The following SRPK2 variants were observed in gnomAD, a reference collection of about 807,000 sequenced individuals.
SRPK2 encodes the protein SFRS protein kinase 2.
In SRPK2, 21 loss-of-function variants were observed where a neutral mutation model predicts 90.8. The ratio of observed to expected loss-of-function variants is 0.23; its 90% CI spans 0.16 to 0.33. SRPK2 has a LOEUF of 0.33. SRPK2 is among the 10% of genes least tolerant of loss of function. SRPK2 has a pLI of 1.00. For missense variants in SRPK2, 620 were observed against 869.0 expected, an observed-to-expected ratio of 0.71 and a Z score of 3.60; for synonymous variants, 288 against 311.1, an observed-to-expected ratio of 0.93 and a Z score of 0.78.
intron 6 of SRPK2, among the ~76,000 whole-genome samples, chr7:105,164,113 A>G (rs1316510355): frequency 6.6e-6 from 1 of 152,226 alleles, no homozygotes; most frequent in Non-Finnish European, 1.5e-5. Context: ...AATCAAAGCA[A>G]TAACTACCAA....
chr7:105,328,292 T>G (rs918011782), intron 2 of SRPK2, among the ~76,000 whole-genome samples: 1 of 152,142 alleles, frequency 6.6e-6, no homozygotes, highest in Non-Finnish European at 1.5e-5. Flanking sequence ...CCGGGGGCAG[T>G]GGCTCACACC....
chr7:105,391,425 G>A (rs955496521), upstream of SRPK2, among the ~76,000 whole-genome samples: 3 of 151,990 alleles, frequency 2.0e-5, no homozygotes, highest in African/African-American at 4.8e-5. Flanking sequence ...GGATGGTATC[G>A]AACTCCCAAC....
intron 2 of SRPK2, among the ~76,000 whole-genome samples, chr7:105,241,499 C>T (rs1800812881): frequency 6.6e-6 from 1 of 152,134 alleles, no homozygotes; most frequent in Non-Finnish European, 1.5e-5. Flanking sequence ...TATTGACTGT[C>T]CCCTTAAATC....
chr7:105,232,458 TAAAAAAAAA>T lies in SRPK2; in HGVS notation c.72-28682_72-28674del, dbSNP rs10533429. 5.4e-3 allele frequency among the ~76,000 whole-genome samples: 708 copies of T among 132,024 alleles called. 5 individuals are homozygous for T. The highest frequency in any genetic ancestry group is 0.015 in the African/African-American group (545 of 35,262). The allele number at this position is 132,024 out of a possible 152,430, so 86.6% of individuals were successfully genotyped here. A position where few individuals can be genotyped will look rare whatever the true frequency, so the allele number is the denominator to read the frequency against. On this transcript the variant is annotated intron_variant, in intron 2 of 15. Coordinates refer to ENST00000393651, the MANE Select transcript of SRPK2 (RefSeq NM_182692.3). The stretch of plus-strand genomic sequence containing the variant: ...TGGGCAACAAGAGCGAAACCTTATC[TAAAAAAAAA>T]AAAAAAAAAAAAAAAGATCAAGTTT...
intron 2 of SRPK2, among the ~76,000 whole-genome samples, chr7:105,373,390 T>A (rs576546408): frequency 9.2e-4 from 111 of 120,368 alleles, no homozygotes; most frequent in East Asian, 5.1e-3. Context: ...AAAAAAAAAA[T>A]TTTTTTTCTT....
At chr7:105,248,059 G>A (rs895194125) in intron 2 of SRPK2, among the ~76,000 whole-genome samples, 2 of 152,006 alleles carry the variant, frequency 1.3e-5, no homozygotes, top group African/African-American at 2.4e-5. Context: ...CTCCATGCTG[G>A]TCAGGCTGGT....
At chr7:105,366,647 G>A (rs550317975) in intron 2 of SRPK2, among the ~76,000 whole-genome samples, 1 of 152,250 alleles carries the variant, frequency 6.6e-6, no homozygotes, top group African/African-American at 2.4e-5. Context: ...GGGATTACAG[G>A]CGTGAGCCAC....
chr7:105,211,364 T>C (rs547065997), intron 2 of SRPK2, among the ~76,000 whole-genome samples: 1 of 152,224 alleles, frequency 6.6e-6, no homozygotes, highest in Non-Finnish European at 1.5e-5. Context: ...CATTCGTGCA[T>C]TGCTATAAGG....
chr7:105,340,820 A>T (rs1187603401), intron 2 of SRPK2, among the ~76,000 whole-genome samples: 1 of 152,216 alleles, frequency 6.6e-6, no homozygotes, highest in Non-Finnish European at 1.5e-5. Flanking sequence ...ATAACATTCA[A>T]GCTTTCAAGA....
upstream of SRPK2, among the ~76,000 whole-genome samples, chr7:105,392,052 A>G (rs541201698): frequency 9.5e-4 from 144 of 152,368 alleles, 1 homozygote; most frequent in African/African-American, 3.3e-3. Context: ...CACATGCTAC[A>G]ATGTGGATGA....
At position 105,161,376 on chromosome 7, in the gene SRPK2, T is replaced by C. The variant is rs138809814; in HGVS notation, c.515-763A>G. On this transcript the variant is annotated intron_variant, in intron 6 of 15. Coordinates refer to ENST00000393651, the MANE Select transcript of SRPK2 (RefSeq NM_182692.3). ...TTTCATCCAACGTTTATTAAATCTATGAATGGGGAACCAGCAGATAAAAAA... is the reference window on the plus strand; with the variant it reads ...TTTCATCCAACGTTTATTAAATCTACGAATGGGGAACCAGCAGATAAAAAA... Among the ~76,000 whole-genome samples the C allele has an allele frequency of 3.0e-3, 460 of 152,328 alleles. 2 individuals carry two copies. The highest frequency in any genetic ancestry group is 7.1e-3 in the African/African-American group (296 of 41,570).
At chr7:105,236,372 G>A (rs1162205100) in intron 2 of SRPK2, among the ~76,000 whole-genome samples, 2 of 151,558 alleles carry the variant, frequency 1.3e-5, no homozygotes, top group African/African-American at 2.4e-5. Context: ...ATAACAGAGT[G>A]CATCTTCCCA....
chr7:105,150,598 G>A (rs1805499557), intron 7 of SRPK2, among the ~76,000 whole-genome samples: 1 of 152,174 alleles, frequency 6.6e-6, no homozygotes, highest in South Asian at 2.1e-4. Context: ...TTTCCATGGA[G>A]AACATGGTTA....
At chr7:105,311,764 C>A (rs1340521779) in intron 2 of SRPK2, among the ~76,000 whole-genome samples, 1 of 152,136 alleles carries the variant, frequency 6.6e-6, no homozygotes, top group African/African-American at 2.4e-5. Flanking sequence ...CTCAGATGGT[C>A]ATCATGTAAA....
chr7:105,123,879 G>C (rs1356201334), intron 15 of SRPK2, among the ~76,000 whole-genome samples: 1 of 152,148 alleles, frequency 6.6e-6, no homozygotes, highest in Non-Finnish European at 1.5e-5. Context: ...AAAAGAACTC[G>C]AGGTACCACA....
At chr7:105,207,734 C>G (rs1006010680) in intron 2 of SRPK2, among the ~76,000 whole-genome samples, 2 of 152,144 alleles carry the variant, frequency 1.3e-5, no homozygotes, top group African/African-American at 2.4e-5. Flanking sequence ...ATCTTCACGA[C>G]CTTAGGTTAG....
intron 2 of SRPK2, among the ~76,000 whole-genome samples, chr7:105,294,089 T>A (rs972708097): frequency 2.6e-5 from 4 of 152,078 alleles, no homozygotes; most frequent in Middle Eastern, 3.2e-3. Context: ...GCATCTCTAG[T>A]CCATACCTGT....
intron 2 of SRPK2, among the ~76,000 whole-genome samples, chr7:105,345,960 G>A (rs1371715027): frequency 2.6e-5 from 4 of 152,208 alleles, no homozygotes; most frequent in African/African-American, 9.6e-5. Context: ...AGTTCTGTTC[G>A]GTAGCAAAGG....
intron 2 of SRPK2, among the ~76,000 whole-genome samples, chr7:105,254,870 A>G (rs919806317): frequency 1.4e-5 from 2 of 140,684 alleles, no homozygotes; most frequent in Non-Finnish European, 3.2e-5. Flanking sequence ...TTGTATTTTT[A>G]GTAGAGATGG....
Sources: gnomAD v4.1 joint callset for allele counts (sites outside exome capture counted in the v4.1 genomes callset) on GRCh38, gnomAD v4.1.1 for gene constraint, MANE v1.5 for transcripts, NCBI Gene and HGNC (gene_info 2026-07-23, HGNC 2026-07-21) for gene names.